NBEA: variants seen among roughly 807,000 people sequenced by gnomAD.
The protein encoded by NBEA is lysosomal-trafficking regulator 2.
A neutral mutation model predicts 343.4 loss-of-function variants in NBEA; 44 were observed. That is an observed-to-expected ratio of 0.13 (90% CI 0.10 to 0.16). The LOEUF (loss-of-function observed/expected upper bound fraction) is 0.16. Ranked by LOEUF, NBEA falls within the 10% of genes least tolerant of loss-of-function variation. The pLI is 1.00. For synonymous variants in NBEA, 1,175 were observed against 1,238.7 expected (o/e 0.95, Z 1.08); for missense variants, 2,555 against 3,631.3 (o/e 0.70, Z 7.62).
intron 11 of NBEA, among the ~76,000 whole-genome samples, chr13:35,102,061 A>T (rs533256495): frequency 2.0e-5 from 3 of 151,774 alleles, no homozygotes; most frequent in African/African-American, 7.2e-5. Flanking sequence ...TGAATTTTGT[A>T]TATGGTATGA....
intron 41 of NBEA, among the ~76,000 whole-genome samples, chr13:35,546,351 G>T (rs533738558): frequency 1.3e-5 from 2 of 152,068 alleles, no homozygotes; most frequent in African/African-American, 4.8e-5. Context: ...TGTAGTTCCA[G>T]CTACTCAGAA....
chr13:35,406,623 A>T (rs920246685), intron 38 of NBEA, among the ~76,000 whole-genome samples: 4 of 152,094 alleles, frequency 2.6e-5, no homozygotes, highest in Non-Finnish European at 5.9e-5. Context: ...GTTTCAGTCA[A>T]ATCTTTTATG....
chr13:35,140,010 A>G (rs1348679025), intron 17 of NBEA, among the ~76,000 whole-genome samples: 1 of 151,986 alleles, frequency 6.6e-6, no homozygotes. Context: ...AATTTCAGAT[A>G]GCCTACTTAA....
chr13:35,488,940 C>A (rs1158239131), intron 41 of NBEA, among the ~76,000 whole-genome samples: 1 of 151,778 alleles, frequency 6.6e-6, no homozygotes, highest in African/African-American at 2.4e-5. Context: ...ATACAAAATG[C>A]ATTTTAATAT....
At chr13:35,101,234 G>A (rs1193753131) in intron 11 of NBEA, among the ~76,000 whole-genome samples, 2 of 151,884 alleles carry the variant, frequency 1.3e-5, no homozygotes, top group Non-Finnish European at 2.9e-5. Flanking sequence ...TTAATTTGCT[G>A]GGTCCTATGT....
chr13:35,549,419 A>C (rs908948397), intron 41 of NBEA, among the ~76,000 whole-genome samples: 3 of 152,210 alleles, frequency 2.0e-5, no homozygotes, highest in Non-Finnish European at 4.4e-5. Flanking sequence ...ATACCACAGC[A>C]AGTAGAAAAG....
chr13:35,232,595 CA>C lies in NBEA; in HGVS notation c.5753del (p.His1918LeufsTer6). 6.5e-7 allele frequency: 1 copy of C among 1,539,736 alleles called. No individual in the cohort carries two copies. Among genetic ancestry groups the C allele is most frequent in the Admixed American group, 1.9e-5 (1 of 52,190 alleles). ...PFLSRTLLGS[H>X]GQELLIEGLV... ...CCTATCTCGTACACTTCTTGGCAGT[CA>C]TGGACAAGAGCTATTGATAGAAGGT... On this transcript the variant is annotated frameshift_variant, in exon 34 of 59. Coordinates refer to ENST00000379939, the MANE Select transcript of NBEA (RefSeq NM_001385012.1). LOFTEE classifies it high-confidence loss of function.
chr13:35,091,991 G>C (rs867790210), intron 10 of NBEA, among the ~76,000 whole-genome samples: 1 of 151,962 alleles, frequency 6.6e-6, no homozygotes, highest in African/African-American at 2.4e-5. Flanking sequence ...AAAGAATAAA[G>C]TTGGAAGAAT....
intron 40 of NBEA, among the ~76,000 whole-genome samples, chr13:35,453,370 T>C (rs1566155621): frequency 3.3e-5 from 5 of 152,226 alleles, no homozygotes; most frequent in African/African-American, 9.6e-5. Flanking sequence ...TTAAATGTAC[T>C]CTTAAGTCTG....
rs763751077 is a variant in NBEA, at chr13:35,164,411, G to A, written c.4135G>A (p.Val1379Ile). 1.3e-6 allele frequency: 2 copies of A among 1,597,638 alleles called. No homozygotes were observed. The highest frequency in any genetic ancestry group is 2.3e-5 in the South Asian group (2 of 88,784). Residue 1379 changes from valine (V) to isoleucine (I), a missense_variant, in exon 24 of 59, where the codon GTA (valine) becomes ATA (isoleucine). Coordinates refer to ENST00000379939, the MANE Select transcript of NBEA (RefSeq NM_001385012.1). ...CAATAGCAATGAAAATATTATTTTT[G>A]TACATAACACAATTCACCTCATTTC... Reference protein sequence around the residue: ...FVNSNENIIFVHNTIHLISQM... With the variant: ...FVNSNENIIFIHNTIHLISQM...
intron 1 of NBEA, among the ~76,000 whole-genome samples, chr13:35,025,768 G>T (rs527767673): frequency 1.3e-5 from 2 of 151,770 alleles, no homozygotes; most frequent in African/African-American, 4.8e-5. Context: ...TTTTGCTATC[G>T]CTTACATTTT....
chr13:35,233,255 T>C (rs1307089138), intron 34 of NBEA, among the ~76,000 whole-genome samples: 1 of 152,114 alleles, frequency 6.6e-6, no homozygotes, highest in East Asian at 1.9e-4. Flanking sequence ...GATCTGTAGG[T>C]GAATAATGGC....
At position 35,131,552 on chromosome 13, in the gene NBEA, A is replaced by G. The variant is rs1182661350; in HGVS notation, c.2336+7978A>G. 6.6e-5 allele frequency among the ~76,000 whole-genome samples: 10 copies of G among 152,346 alleles called. No homozygotes were observed. The East Asian group carries it at 1.5e-3, about 24-fold the overall frequency. ...TAGAAAATAATTTATTCAATCTGGT[A>G]ACATATGTCTACTGAAAACTTTCCA... On this transcript the variant is annotated intron_variant, in intron 17 of 58. Coordinates refer to ENST00000379939, the MANE Select transcript of NBEA (RefSeq NM_001385012.1).
At chr13:35,340,376 G>A (rs184712043) in intron 36 of NBEA, among the ~76,000 whole-genome samples, 1 of 152,234 alleles carries the variant, frequency 6.6e-6, no homozygotes, top group East Asian at 1.9e-4. Flanking sequence ...AATACTGCAT[G>A]ATTCCACTTG....
At chr13:35,562,239 T>A (rs2153022425) in intron 44 of NBEA, among the ~76,000 whole-genome samples, 1 of 152,104 alleles carries the variant, frequency 6.6e-6, no homozygotes, top group East Asian at 1.9e-4. Context: ...TTTTAGATGA[T>A]TGTGTAAAAT....
intron 2 of NBEA, among the ~76,000 whole-genome samples, chr13:35,042,330 A>G (rs550550647): frequency 2.6e-5 from 4 of 151,958 alleles, no homozygotes; most frequent in Non-Finnish European, 5.9e-5. Flanking sequence ...CTATTTCTTA[A>G]AATACCTTTT....
At chr13:34,992,238 GTATATATA>G (rs60959090) in intron 1 of NBEA, among the ~76,000 whole-genome samples, 4 of 122,134 alleles carry the variant, frequency 3.3e-5, no homozygotes, top group East Asian at 2.3e-4. Flanking sequence ...GTGTGTGTGT[GTATATATA>G]TATATATATA....
intron 12 of NBEA, among the ~76,000 whole-genome samples, chr13:35,110,304 C>G (rs1250803648): frequency 4.0e-5 from 6 of 150,462 alleles, no homozygotes; most frequent in Non-Finnish European, 7.4e-5. Context: ...CATGCCATCT[C>G]TATGCTCACA....
intron 38 of NBEA, among the ~76,000 whole-genome samples, chr13:35,423,240 A>G (rs546128080): frequency 6.6e-6 from 1 of 152,294 alleles, no homozygotes; most frequent in South Asian, 2.1e-4. Flanking sequence ...ATGTTCCTGA[A>G]TGGTATTGCC....
Sources: gnomAD v4.1 joint callset for allele counts (sites outside exome capture counted in the v4.1 genomes callset) on GRCh38, gnomAD v4.1.1 for gene constraint, MANE v1.5 for transcripts, NCBI Gene and HGNC (gene_info 2026-07-23, HGNC 2026-07-21) for gene names.